Variants in CD5 observed in about 807,000 individuals in gnomAD.
CD5 encodes the protein T-cell surface glycoprotein CD5.
In CD5, 36 loss-of-function variants were observed where a neutral mutation model predicts 60.3. The ratio of observed to expected loss-of-function variants is 0.60; its 90% CI spans 0.46 to 0.79. CD5 has a LOEUF of 0.79. CD5 is among the 30% of genes least tolerant of loss of function. The pLI is 0.00. For synonymous variants in CD5, 230 were observed against 257.6 expected (o/e 0.89, Z 1.03); for missense variants, 540 against 630.6 (o/e 0.86, Z 1.54).
rs1861019268 is a variant in CD5, at chr11:61,119,389, G to A, written c.619G>A (p.Gly207Ser). Residue 207 changes from glycine to serine, a missense_variant, in exon 5 of 11, where the codon GGC (glycine) becomes AGC (serine). Physicochemically the swap from Gly to Ser is moderately conservative, Grantham distance 56 (BLOSUM62 0). Coordinates refer to ENST00000347785, the MANE Select transcript of CD5 (RefSeq NM_014207.4). ...CTTCCTCTGCAACAACCTCCAGTGT[G>A]GCTCCTTCTTGAAGCATCTGCCAGA... The part of the protein sequence containing the change: ...ENFLCNNLQC[G>S]SFLKHLPETE... 6.2e-7 allele frequency: 1 copy of A among 1,614,064 alleles called. No individual in the cohort carries two copies. The highest frequency in any genetic ancestry group is 8.5e-7 in the Non-Finnish European group (1 of 1,180,038).
intron 4 of CD5, 106 bp downstream of exon 4, chr11:61,119,083 G>T: frequency 1.7e-6 from 2 of 1,197,862 alleles, no homozygotes; most frequent in Non-Finnish European, 1.2e-6. Flanking sequence ...GTTTAGTATT[G>T]GTGTGTTCTA....
the CD5 span, among the ~76,000 whole-genome samples, chr11:61,096,909 G>A: frequency 6.6e-6 from 1 of 152,156 alleles, no homozygotes; most frequent in Non-Finnish European, 1.5e-5. Context: ...AGAAGCTCTC[G>A]AAGGAATCCA....
At chr11:61,101,288 TCA>T (rs1312603269), upstream of CD5, among the ~76,000 whole-genome samples, 8 of 89,418 alleles carry the variant, frequency 8.9e-5, no homozygotes, top group African/African-American at 1.3e-4. Flanking sequence ...AACATGGAGA[TCA>T]CACACACACA....
upstream of CD5, among the ~76,000 whole-genome samples, chr11:61,101,911 T>TAC (rs35648034): frequency 0.086 from 12,179 of 142,348 alleles, 510 homozygotes; most frequent in Non-Finnish European, 0.1. Context: ...TCTCTCTCTC[T>TAC]ACACACACAC....
chr11:61,119,530 A>G lies in CD5; in HGVS notation c.760A>G (p.Ile254Val), dbSNP rs748601497. ...CTSLEHCFRKIKPQKSGRVLA... is the reference protein window; with the variant it reads ...CTSLEHCFRKVKPQKSGRVLA... ...CTCCCTGGAGCATTGCTTCAGGAAA[A>G]TCAAGCCCCAGAAAAGTGGCCGAGT... Residue 254 changes from isoleucine to valine, a missense_variant, in exon 5 of 11, where the codon ATC becomes GTC. Coordinates refer to ENST00000347785, the MANE Select transcript of CD5 (RefSeq NM_014207.4). The G allele has an allele frequency of 6.2e-6, 10 of 1,613,578 alleles. No homozygotes were observed. In the South Asian group the frequency reaches 1.1e-4, roughly 18 times the overall value.
At chr11:61,097,580 C>T (rs537684926), upstream of CD5, among the ~76,000 whole-genome samples, 183 of 152,312 alleles carry the variant, frequency 1.2e-3, no homozygotes, top group African/African-American at 3.9e-3. Flanking sequence ...ATAGAGCTTA[C>T]GCCAAATTAC....
Position 61,118,167 on chromosome 11 carries a change from AC to A in CD5, c.95-3del. The A allele has an allele frequency of 6.2e-7, 1 of 1,611,018 alleles. No homozygotes were observed. Among genetic ancestry groups the A allele is most frequent in the African/African-American group, 1.3e-5 (1 of 74,926 alleles). On this transcript the variant is annotated splice_region_variant and splice_polypyrimidine_tract_variant and intron_variant, in intron 2 of 10. Coordinates refer to ENST00000347785, the MANE Select transcript of CD5 (RefSeq NM_014207.4). The surrounding 1 kb of genome is among the most constrained non-coding windows in gnomAD (Gnocchi z 4.7). ...GCCTGACCCCCACCACACCTTTCTG[AC>A]CCCCAGATTTCCAGGCAAGGCTCAC...
chr11:61,114,158 C>T (rs1015383348), intron 1 of CD5, among the ~76,000 whole-genome samples: 2 of 152,170 alleles, frequency 1.3e-5, no homozygotes, highest in African/African-American at 4.8e-5. Flanking sequence ...TGTCACCCAG[C>T]TAGAGTGCTG....
chr11:61,100,702 AAC>A (rs1275405550), upstream of CD5, among the ~76,000 whole-genome samples: 2 of 107,700 alleles, frequency 1.9e-5, no homozygotes, highest in Admixed American at 9.2e-5. Context: ...GGAGATCACA[AAC>A]ACACATCAAC....
chr11:61,098,715 C>T (rs930312224), upstream of CD5, among the ~76,000 whole-genome samples: 2 of 152,210 alleles, frequency 1.3e-5, no homozygotes, highest in African/African-American at 4.8e-5. Flanking sequence ...TTAAAAGGGA[C>T]AGGAATTGCT....
At chr11:61,107,516 T>C (rs1860793471) in intron 1 of CD5, among the ~76,000 whole-genome samples, 2 of 152,242 alleles carry the variant, frequency 1.3e-5, no homozygotes. Context: ...CAGTGAGGCC[T>C]GGGGCAGCAC....
chr11:61,106,232 A>G (rs764403060), intron 1 of CD5, among the ~76,000 whole-genome samples: 1 of 151,946 alleles, frequency 6.6e-6, no homozygotes, highest in Non-Finnish European at 1.5e-5. Flanking sequence ...CTGCACTAGG[A>G]TAGGAGGACA....
chr11:61,114,913 A>G, intron 1 of CD5, 143 bp from the exon 2 acceptor site: 1 of 606,616 alleles, frequency 1.6e-6, no homozygotes, highest in Non-Finnish European at 2.7e-6. Flanking sequence ...AACCTGGAGT[A>G]TGAAAATTCC....
In CD5 at chr11:61,118,381, C is replaced by G. The variant is rs759135823; in HGVS notation, c.301C>G (p.Pro101Ala). The change falls in exon 3 of 11, where the codon CCT becomes GCT. Residue 101 changes from proline to alanine, a missense_variant. Physicochemically the swap from Pro to Ala is conservative, Grantham distance 27 (BLOSUM62 -1). Coordinates refer to ENST00000347785, the MANE Select transcript of CD5 (RefSeq NM_014207.4). This position sits in a 1 kb window ranked among gnomAD's most constrained non-coding sequence, Gnocchi z 4.7. ...SLGPFLVTYT[P>A]QSSIICYGQL... ...TGGCCCCTTCCTTGTCACCTACACA[C>G]CTCAGAGCTCAATCATCTGCTACGG... 10 of 1,614,236 alleles carry G rather than the reference C, an allele frequency of 6.2e-6. No individual in the cohort carries two copies. In the Admixed American group the frequency reaches 1.7e-4, roughly 27 times the overall value.
intron 1 of CD5, among the ~76,000 whole-genome samples, chr11:61,104,233 G>A (rs971384861): frequency 6.6e-6 from 1 of 152,094 alleles, no homozygotes; most frequent in African/African-American, 2.4e-5. Flanking sequence ...CCAAAGGCAG[G>A]ATTATCTCCC....
intron 1 of CD5, among the ~76,000 whole-genome samples, chr11:61,107,255 A>G (rs1444343407): frequency 6.6e-6 from 1 of 152,126 alleles, no homozygotes; most frequent in Non-Finnish European, 1.5e-5. Context: ...TTGCAGGCAG[A>G]GGGGCCTCCA....
upstream of CD5, among the ~76,000 whole-genome samples, chr11:61,099,478 T>TCACACACACACAACATGGAGATAA (rs71043745): frequency 1.9e-5 from 2 of 105,478 alleles, no homozygotes; most frequent in Non-Finnish European, 3.6e-5. Context: ...AACATGGAGA[T>TCACACACACACAACATGGAGATAA]CACACACACA....
intron 1 of CD5, among the ~76,000 whole-genome samples, chr11:61,111,332 T>C (rs1302174239): frequency 1.3e-5 from 2 of 152,228 alleles, no homozygotes; most frequent in African/African-American, 4.8e-5. Flanking sequence ...GCCAGCCATA[T>C]TACCCGGGAC....
chr11:61,101,471 A>G (rs1266833074), upstream of CD5, among the ~76,000 whole-genome samples: 1 of 151,886 alleles, frequency 6.6e-6, no homozygotes, highest in East Asian at 1.9e-4. Flanking sequence ...TGGAGATCAC[A>G]CACACATATA....
Sources: gnomAD v4.1 joint callset for allele counts (sites outside exome capture counted in the v4.1 genomes callset) on GRCh38, gnomAD v4.1.1 for gene constraint, Gnocchi (gnomAD v3.1) non-coding constraint, MANE v1.5 for transcripts, NCBI Gene and HGNC (gene_info 2026-07-23, HGNC 2026-07-21) for gene names.